B3GAT1: variants seen among roughly 807,000 people sequenced by gnomAD.
B3GAT1 encodes the protein beta-1,3-glucuronyltransferase 1, also known as galactosylgalactosylxylosylprotein 3-beta-glucuronosyltransferase 1.
B3GAT1 carries 11 observed loss-of-function variants against 28.4 expected under a neutral mutation model. The observed-to-expected ratio is 0.39, with a 90% confidence interval of 0.24 to 0.64. The LOEUF (loss-of-function observed/expected upper bound fraction) is 0.64. Among genes scored for constraint, B3GAT1 ranks in the 30% least tolerant of loss-of-function variants. The pLI is 0.50. For missense variants in B3GAT1, 375 were observed against 491.0 expected, an observed-to-expected ratio of 0.76 and a Z score of 2.23; for synonymous variants, 255 against 223.1, an observed-to-expected ratio of 1.14 and a Z score of -1.27.
In B3GAT1 at chr11:134,384,072, G is replaced by A; in HGVS notation, c.229C>T (p.Pro77Ser). ...GTGGGCAGCGTGTCGGACCATGGCG[G>A]GGGCCGCGTGTACACGTACTCGGTG... ...VRTEYVYTRP[P>S]PWSDTLPTIH... is the part of the protein sequence containing the mutation. Residue 77 changes from proline (P) to serine (S), a missense_variant, in exon 3 of 6, where the codon CCG becomes TCG. Pro to Ser is a moderately conservative substitution (Grantham distance 74, BLOSUM62 -1). Transcript: ENST00000312527. 1 of 1,602,752 alleles carries A rather than the reference G, an allele frequency of 6.2e-7. No individual in the cohort carries two copies.
At chr11:134,401,982 GGC>G (rs1944625556) in intron 1 of B3GAT1, among the ~76,000 whole-genome samples, 2 of 130,440 alleles carry the variant, frequency 1.5e-5, no homozygotes, top group African/African-American at 5.5e-5. Context: ...GGGGGGGGCG[GGC>G]AGCCTGACCA....
chr11:134,393,088 C>A lies in B3GAT1; in HGVS notation c.-281-5148G>T, dbSNP rs186821069. Among the ~76,000 whole-genome samples, 3 of 152,132 alleles carry A rather than the reference C, an allele frequency of 2.0e-5. No individual in the cohort carries two copies. The highest frequency in any genetic ancestry group is 7.2e-5 in the African/African-American group (3 of 41,420). On this transcript the variant is annotated intron_variant, in intron 1 of 5. Coordinates refer to ENST00000312527, the MANE Select transcript of B3GAT1 (RefSeq NM_054025.3). The surrounding 1 kb of genome is among the most constrained non-coding windows in gnomAD (Gnocchi z 4.0). ...CAAAATGTTCCCAAAGGCCTGCATG[C>A]GTGTGCGTGGTAGGTTACAAACAAG...
intron 1 of B3GAT1, 177 bp from the exon 2 acceptor site, chr11:134,388,117 C>T (rs1247552426): frequency 5.6e-6 from 2 of 358,710 alleles, no homozygotes; most frequent in Admixed American, 3.6e-5. Flanking sequence ...TCTGTCCTTC[C>T]CACAGGCACA....
intron 1 of B3GAT1, chr11:134,392,437 A>G (rs1268998837): frequency 6.6e-6 from 1 of 152,296 alleles, no homozygotes; most frequent in Non-Finnish European, 1.5e-5. Flanking sequence ...TGCCATGATC[A>G]CAGCTCTCTG....
intron 1 of B3GAT1, among the ~76,000 whole-genome samples, chr11:134,408,901 AGGAGGGAGGTGGGATAG>A (rs1944792663): frequency 8.7e-6 from 1 of 114,962 alleles, no homozygotes; most frequent in African/African-American, 3.6e-5. Flanking sequence ...CAGTGGGGTG[AGGAGGGAGGTGGGATAG>A]CCTCCACCTA....
At chr11:134,387,436 C>T (rs1944314906) in intron 2 of B3GAT1, 112 bp downstream of exon 2, 6 of 1,401,856 alleles carry the variant, frequency 4.3e-6, no homozygotes, top group South Asian at 1.4e-5. Flanking sequence ...TAGATGATCC[C>T]GTGGTTCCTC....
At position 134,383,977 on chromosome 11, in the gene B3GAT1, C is replaced by T. The variant is rs759514133; in HGVS notation, c.324G>A (p.Thr108=). The T allele has an allele frequency of 8.1e-6, 13 of 1,602,134 alleles. No individual in the cohort carries two copies. The East Asian group carries it at 2.9e-4, about 36-fold the overall frequency. The change falls in exon 3 of 6, where the codon ACG becomes ACA. Residue 108 remains threonine (T), a synonymous_variant. Transcript: ENST00000312527. Reference sequence around the variant, plus strand: ...AGTGGAGGTTGGGCACGTGCAGCAGCGTGTTGGCCATGCGCGTCAGCTCGG... The same window carrying T: ...AGTGGAGGTTGGGCACGTGCAGCAGTGTGTTGGCCATGCGCGTCAGCTCGG... ...QKAELTRMAN[T]LLHVPNLHWL...
At chr11:134,408,877 G>A (rs1228277348) in intron 1 of B3GAT1, among the ~76,000 whole-genome samples, 1 of 132,680 alleles carries the variant, frequency 7.5e-6, no homozygotes, top group Non-Finnish European at 1.6e-5. Context: ...AGGTGGGACA[G>A]CCTGCACCGA....
At chr11:134,382,365 G>A (rs1255651257) in intron 4 of B3GAT1, among the ~76,000 whole-genome samples, 1 of 152,096 alleles carries the variant, frequency 6.6e-6, no homozygotes, top group East Asian at 1.9e-4. Flanking sequence ...GTGCATGTCT[G>A]TGCATGTTCA....
At chr11:134,404,027 A>G (rs181933633) in intron 1 of B3GAT1, among the ~76,000 whole-genome samples, 1 of 106,762 alleles carries the variant, frequency 9.4e-6, no homozygotes, top group Non-Finnish European at 1.9e-5. Flanking sequence ...ATATATATAT[A>G]TATTTATTAT....
intron 1 of B3GAT1, among the ~76,000 whole-genome samples, chr11:134,399,217 G>C (rs915376987): frequency 8.5e-5 from 13 of 152,214 alleles, no homozygotes; most frequent in African/African-American, 2.7e-4. Context: ...AGGTGGGGTA[G>C]AATCAGCCGT....
chr11:134,398,865 C>T (rs909838784), intron 1 of B3GAT1, among the ~76,000 whole-genome samples: 4 of 152,228 alleles, frequency 2.6e-5, no homozygotes, highest in African/African-American at 9.6e-5. Flanking sequence ...CTTCCCTGCC[C>T]TTGTTCATCA....
At chr11:134,392,291 G>A (rs1170311944) in intron 1 of B3GAT1, 1 of 150,442 alleles carries the variant, frequency 6.6e-6, no homozygotes, top group Non-Finnish European at 1.5e-5. Flanking sequence ...AGGGCCCGTG[G>A]AACTGAGTCC....
rs1944084859 is a variant in B3GAT1, at chr11:134,379,778, C to CCCACCTTGCCCACCACCCA, written c.*965_*983dup. ...CTCCTCTTTCCAGGCTGCAGGAGGT[C>CCCACCTTGCCCACCACCCA]CCACCTTGCCCACCACCCACCGCCT... On this transcript the variant is annotated 3_prime_UTR_variant, in exon 6 of 6. Coordinates refer to ENST00000312527, the MANE Select transcript of B3GAT1 (RefSeq NM_054025.3). 1 of 132,830 alleles carries CCCACCTTGCCCACCACCCA rather than the reference C, an allele frequency of 7.5e-6. No homozygotes were observed. Among genetic ancestry groups the CCCACCTTGCCCACCACCCA allele is most frequent in the Non-Finnish European group, 1.8e-5 (1 of 56,888 alleles). The allele number at this position is 132,830 out of a possible 1,614,324, so 8.2% of individuals were successfully genotyped here.
intron 1 of B3GAT1, among the ~76,000 whole-genome samples, chr11:134,398,889 C>A (rs1944555780): frequency 6.6e-6 from 1 of 152,226 alleles, no homozygotes; most frequent in African/African-American, 2.4e-5. Context: ...CTAGTGTGAC[C>A]TTACACTTCC....
intron 1 of B3GAT1, among the ~76,000 whole-genome samples, chr11:134,410,286 C>T (rs933882062): frequency 1.3e-5 from 2 of 152,214 alleles, no homozygotes; most frequent in African/African-American, 4.8e-5. Context: ...TGCAAGCTTC[C>T]AGCTCACCTG....
At chr11:134,397,744 C>T (rs115560776) in intron 1 of B3GAT1, among the ~76,000 whole-genome samples, 1,907 of 152,376 alleles carry the variant, frequency 0.013, 41 homozygotes, top group African/African-American at 0.043. Context: ...GCACCTGTCT[C>T]GTTTCCTTCC....
chr11:134,401,972 G>GGGC (rs1482110191), intron 1 of B3GAT1, among the ~76,000 whole-genome samples: 2 of 121,664 alleles, frequency 1.6e-5, no homozygotes, highest in African/African-American at 5.5e-5. Context: ...GCCTGGGGCG[G>GGGC]GGGGGGGCGG....
At position 134,382,935 on chromosome 11, in the gene B3GAT1, C is replaced by T; in HGVS notation, c.693G>A (p.Arg231=). The T allele has an allele frequency of 5.0e-6, 8 of 1,610,552 alleles. No individual in the cohort carries two copies. The highest frequency in any genetic ancestry group is 6.8e-6 in the Non-Finnish European group (8 of 1,178,434). Reference sequence around the variant, plus strand: ...CGACCACCTTCCCTGCCCCGTTCACCCGTGGGGCCTCGTACCGCAGGCCAC... The same window carrying T: ...CGACCACCTTCCCTGCCCCGTTCACTCGTGGGGCCTCGTACCGCAGGCCAC... The part of the protein sequence containing the change: ...FVGGLRYEAP[R]VNGAGKVVGW... The change falls in exon 4 of 6, where the codon CGG becomes CGA. Residue 231 remains arginine, a synonymous_variant. Transcript: ENST00000312527.
Sources: allele counts gnomAD v4.1 joint callset (sites outside exome capture counted in the v4.1 genomes callset), GRCh38; gene constraint gnomAD v4.1.1; non-coding constraint Gnocchi (gnomAD v3.1); transcripts MANE v1.5; gene names NCBI Gene and HGNC (gene_info 2026-07-23, HGNC 2026-07-21).